FMNL2: variants seen among roughly 807,000 people sequenced by gnomAD.
The protein encoded by FMNL2 is formin like 2, also known as formin-like protein 2.
A neutral mutation model predicts 130.2 loss-of-function variants in FMNL2; 51 were observed. That is an observed-to-expected ratio of 0.39 (90% confidence interval 0.31 to 0.49). FMNL2 has a LOEUF of 0.49. Among genes scored for constraint, FMNL2 ranks in the 20% least tolerant of loss-of-function variants. The pLI, the probability that FMNL2 is intolerant of heterozygous loss-of-function variation, is 0.85. For synonymous variants in FMNL2, 465 were observed against 467.1 expected, an observed-to-expected ratio of 1.00 and a Z score of 0.06; for missense variants, 977 against 1,316.2, an observed-to-expected ratio of 0.74 and a Z score of 3.99.
chr2:152,370,257 T>G (rs1683797490), intron 1 of FMNL2, among the ~76,000 whole-genome samples: 1 of 152,210 alleles, frequency 6.6e-6, no homozygotes, highest in Admixed American at 6.5e-5. Context: ...TTCTGGGTTG[T>G]GTGCTGCTGA....
intron 1 of FMNL2, among the ~76,000 whole-genome samples, chr2:152,435,766 A>C (rs1687725117): frequency 6.6e-6 from 1 of 152,178 alleles, no homozygotes; most frequent in South Asian, 2.1e-4. Flanking sequence ...AGTTTAACAA[A>C]CCAAATTGCT....
chr2:152,389,837 T>C, intron 1 of FMNL2: 1 of 1,169,552 alleles, frequency 8.6e-7, no homozygotes, highest in Non-Finnish European at 1.3e-6. Flanking sequence ...GCAAAGAAGC[T>C]TATCATACAG....
At chr2:152,503,530 G>A (rs1691977543) in intron 1 of FMNL2, among the ~76,000 whole-genome samples, 1 of 152,076 alleles carries the variant, frequency 6.6e-6, no homozygotes, top group Admixed American at 6.5e-5. Flanking sequence ...GTGTATACAC[G>A]GATGTAGGAG....
chr2:152,517,072 G>T (rs940391263), intron 1 of FMNL2, among the ~76,000 whole-genome samples: 6 of 152,178 alleles, frequency 3.9e-5, no homozygotes, highest in Non-Finnish European at 7.4e-5. Context: ...AACTGGCACT[G>T]AAACAAAGTT....
intron 1 of FMNL2, among the ~76,000 whole-genome samples, chr2:152,414,692 G>A (rs529955237): frequency 2.6e-5 from 4 of 152,142 alleles, no homozygotes; most frequent in Admixed American, 2.0e-4. Flanking sequence ...TGGAGAGTTC[G>A]AGCTGGAGAG....
chr2:152,529,642 A>T (rs1022966681), intron 2 of FMNL2, among the ~76,000 whole-genome samples: 7 of 152,164 alleles, frequency 4.6e-5, no homozygotes, highest in African/African-American at 1.7e-4. Flanking sequence ...GGAGTTTTGG[A>T]AAGTTGGGTC....
At chr2:152,354,219 C>T (rs895153998) in intron 1 of FMNL2, among the ~76,000 whole-genome samples, 1 of 152,084 alleles carries the variant, frequency 6.6e-6, no homozygotes, top group African/African-American at 2.4e-5. Flanking sequence ...TGAGAAAATA[C>T]ATTGAAGTTG....
intron 9 of FMNL2, among the ~76,000 whole-genome samples, chr2:152,606,897 A>G (rs1698387424): frequency 6.6e-6 from 1 of 151,632 alleles, no homozygotes; most frequent in African/African-American, 2.4e-5. Flanking sequence ...TGATTCAGTT[A>G]TACATATGAA....
chr2:152,587,395 C>T (rs891231979), intron 9 of FMNL2, among the ~76,000 whole-genome samples: 1 of 152,196 alleles, frequency 6.6e-6, no homozygotes, highest in Non-Finnish European at 1.5e-5. Flanking sequence ...CTGTATACCT[C>T]AGTAAGTCTC....
intron 1 of FMNL2, among the ~76,000 whole-genome samples, chr2:152,358,879 C>T (rs928222729): frequency 2.0e-5 from 3 of 152,092 alleles, no homozygotes; most frequent in Admixed American, 6.6e-5. Context: ...CTTAGAAGTA[C>T]AATTGTTGGG....
chr2:152,497,508 T>G (rs368611293), intron 1 of FMNL2, among the ~76,000 whole-genome samples: 12 of 152,352 alleles, frequency 7.9e-5, no homozygotes, highest in African/African-American at 2.9e-4. Flanking sequence ...TATAAATACA[T>G]GAAAAGTATG....
At chr2:152,608,360 GAAAAAAAAAAAGA>G (rs970510769) in intron 10 of FMNL2, among the ~76,000 whole-genome samples, 6 of 16,548 alleles carry the variant, frequency 3.6e-4, no homozygotes, top group Non-Finnish European at 5.3e-4. Flanking sequence ...CCCTTTTTGT[GAAAAAAAAAAAGA>G]AAAAAAAAAA....
intron 1 of FMNL2, among the ~76,000 whole-genome samples, chr2:152,404,011 T>A (rs1192033199): frequency 6.6e-6 from 1 of 152,208 alleles, no homozygotes; most frequent in Non-Finnish European, 1.5e-5. Context: ...GAGGTTGCAG[T>A]GAGCCGAGAT....
At chr2:152,529,040 C>T (rs575907578) in intron 2 of FMNL2, among the ~76,000 whole-genome samples, 8 of 152,254 alleles carry the variant, frequency 5.3e-5, no homozygotes, top group African/African-American at 1.4e-4. Flanking sequence ...TGAGCACCCA[C>T]GGGGAGAAGA....
At position 152,625,626 on chromosome 2, in the gene FMNL2, C is replaced by T; in HGVS notation, c.1962+64C>T. ...GTGCAGCAAAGCCGGCATGGGTGTT[C>T]TGTTAACCTGGAAGTGTCAGAGATA... On this transcript the variant is annotated intron_variant, in intron 16 of 25. Transcript: ENST00000288670. 1.3e-6 allele frequency: 2 copies of T among 1,529,104 alleles called. 1 individual carries two copies. Among genetic ancestry groups the T allele is most frequent in the Non-Finnish European group, 1.8e-6 (2 of 1,123,060 alleles). The allele number at this position is 1,529,104 out of a possible 1,614,324, so 94.7% of individuals were successfully genotyped here.
intron 1 of FMNL2, among the ~76,000 whole-genome samples, chr2:152,492,865 C>G (rs1412234511): frequency 6.6e-6 from 1 of 152,052 alleles, no homozygotes; most frequent in African/African-American, 2.4e-5. Flanking sequence ...AAGAAAATAG[C>G]CGATATATTA....
chr2:152,452,810 G>A lies in FMNL2; in HGVS notation c.118-69133G>A, dbSNP rs115611960. ...TGGGGAGGGCTGTCGTACCAGGTGAGATGCAATTAGCCATGGAAGCAGCAG... is the reference window on the plus strand; with the variant it reads ...TGGGGAGGGCTGTCGTACCAGGTGAAATGCAATTAGCCATGGAAGCAGCAG... On this transcript the variant is annotated intron_variant, in intron 1 of 25. Transcript: ENST00000288670. Among the ~76,000 whole-genome samples, 993 of 138,132 alleles carry A rather than the reference G, an allele frequency of 7.2e-3. 12 individuals are homozygous for A. The highest frequency in any genetic ancestry group is 0.023 in the African/African-American group (939 of 40,368). The allele number at this position is 138,132 out of a possible 152,430, so 90.6% of individuals were successfully genotyped here.
At chr2:152,461,637 A>G (rs962349175) in intron 1 of FMNL2, among the ~76,000 whole-genome samples, 1 of 152,240 alleles carries the variant, frequency 6.6e-6, no homozygotes, top group Non-Finnish European at 1.5e-5. Context: ...TTCAAATGCC[A>G]ATAGCCTTGT....
chr2:152,465,351 C>T (rs1328879362), intron 1 of FMNL2, among the ~76,000 whole-genome samples: 1 of 152,156 alleles, frequency 6.6e-6, no homozygotes, highest in Admixed American at 6.5e-5. Context: ...TTCAAAGGAG[C>T]CCGAGAGCAG....
Sources: allele counts gnomAD v4.1 joint callset (sites outside exome capture counted in the v4.1 genomes callset), GRCh38; gene constraint gnomAD v4.1.1; transcripts MANE v1.5; gene names NCBI Gene and HGNC (gene_info 2026-07-23, HGNC 2026-07-21).